DENND11: variants seen among roughly 807,000 people sequenced by gnomAD.
DENND11 encodes DENN domain-containing protein 11.
A neutral mutation model predicts 49.2 loss-of-function variants in DENND11; 34 were observed. The observed-to-expected ratio is 0.69, with a 90% confidence interval of 0.53 to 0.92. The LOEUF (loss-of-function observed/expected upper bound fraction) is 0.92. Among genes scored for constraint, DENND11 ranks in the 40% least tolerant of loss-of-function variants. DENND11 has a pLI of 0.00. For synonymous variants in DENND11, 238 were observed against 230.3 expected (o/e 1.03, Z -0.30); for missense variants, 475 against 581.6 (o/e 0.82, Z 1.88).
rs376757113 is a variant in DENND11 at position 141,677,993 on chromosome 7, C to T, written c.528-3773G>A. The stretch of plus-strand genomic sequence containing the variant: ...TTTTTTTCTTTTGGAAATGGAGTCT[C>T]GCTCTGTTGCCCAGGCTGGAGTGCA... On this transcript the variant is annotated intron_variant, in intron 3 of 8. Transcript: ENST00000536163. 3.7e-4 allele frequency among the ~76,000 whole-genome samples: 56 copies of T among 151,366 alleles called. No homozygotes were observed. In the East Asian group the frequency reaches 6.0e-3, roughly 16 times the overall value.
intron 3 of DENND11, among the ~76,000 whole-genome samples, chr7:141,683,758 A>T (rs770711082): frequency 3.9e-5 from 6 of 152,218 alleles, no homozygotes; most frequent in Non-Finnish European, 8.8e-5. Context: ...CAAAACGACT[A>T]ATTTCAGATA....
chr7:141,669,137 CCT>C (rs1423651363), intron 4 of DENND11, among the ~76,000 whole-genome samples: 1 of 152,156 alleles, frequency 6.6e-6, no homozygotes. Flanking sequence ...CACATCTGGA[CCT>C]CTCAGAGAGG....
At chr7:141,693,893 G>C (rs1798367185) in intron 1 of DENND11, among the ~76,000 whole-genome samples, 1 of 152,140 alleles carries the variant, frequency 6.6e-6, no homozygotes, top group Non-Finnish European at 1.5e-5. Context: ...ATACTGTTAT[G>C]GTGGATACAT....
intron 2 of DENND11, 71 bp from the exon 3 acceptor site, chr7:141,685,707 C>G: frequency 6.5e-7 from 1 of 1,528,114 alleles, no homozygotes; most frequent in South Asian, 1.2e-5. Flanking sequence ...CTAAACAAAA[C>G]AAATGAACTG....
rs79042208 is a variant in DENND11 at position 141,672,949 on chromosome 7, C to G, written c.681+1118G>C. Among the ~76,000 whole-genome samples the G allele has an allele frequency of 1.6e-3, 242 of 152,318 alleles. 4 individuals carry two copies. In the East Asian group the frequency reaches 0.034, roughly 22 times the overall value. Reference sequence around the variant, plus strand: ...ATTAGGATTCAAGCTCCAGGGTCTACTATTTAAAGCTCTCTACAATCTAAT... The same window carrying G: ...ATTAGGATTCAAGCTCCAGGGTCTAGTATTTAAAGCTCTCTACAATCTAAT... On this transcript the variant is annotated intron_variant, in intron 4 of 8. Coordinates refer to ENST00000536163, the MANE Select transcript of DENND11 (RefSeq NM_001080392.2).
chr7:141,681,009 C>G (rs1798140019), intron 3 of DENND11, among the ~76,000 whole-genome samples: 1 of 152,092 alleles, frequency 6.6e-6, no homozygotes, highest in Non-Finnish European at 1.5e-5. Flanking sequence ...GTATCAAAAA[C>G]CATATAGAGA....
At chr7:141,663,630 C>T (rs1276116593) in intron 8 of DENND11, 1 of 152,610 alleles carries the variant, frequency 6.6e-6, no homozygotes, top group Non-Finnish European at 1.5e-5. Flanking sequence ...AAACCACAAC[C>T]TCACCCCTGG....
chr7:141,688,174 A>G (rs1009934741), intron 1 of DENND11, among the ~76,000 whole-genome samples: 6 of 152,252 alleles, frequency 3.9e-5, no homozygotes, highest in Non-Finnish European at 7.3e-5. Context: ...AGAGAACACT[A>G]TAGAATACTC....
chr7:141,701,990 G>A lies in DENND11; in HGVS notation c.164C>T (p.Pro55Leu). ...EPPRRREPEE[P>L]AAPEVLLQPG... ...CTGCAGCAGCACCTCCGGGGCGGCC[G>A]GCTCCTCGGGCTCCCGCCTCCGGGG... is the stretch of plus-strand genomic sequence containing the variant. Residue 55 changes from proline (P) to leucine (L), a missense_variant, in exon 1 of 9, where the codon CCG becomes CTG. Physicochemically the swap from Pro to Leu is moderately conservative, Grantham distance 98. Transcript: ENST00000536163. 3.5e-6 allele frequency: 4 copies of A among 1,144,782 alleles called. No individual in the cohort carries two copies. The highest frequency in any genetic ancestry group is 4.3e-6 in the Non-Finnish European group (4 of 932,584). 70.9% of individuals were successfully genotyped at this position (1,144,782 alleles called of 1,614,324 possible). A position where few individuals can be genotyped will look rare whatever the true frequency, so the allele number is the denominator to read the frequency against.
intron 3 of DENND11, among the ~76,000 whole-genome samples, chr7:141,682,565 C>T (rs1798164041): frequency 6.6e-6 from 1 of 152,144 alleles, no homozygotes. Context: ...TAGTAGTGAG[C>T]AGCTTTTAAC....
chr7:141,677,251 C>A (rs1207461772), intron 3 of DENND11, among the ~76,000 whole-genome samples: 1 of 151,634 alleles, frequency 6.6e-6, no homozygotes, highest in Non-Finnish European at 1.5e-5. Context: ...CATGGTGAAA[C>A]CTGTCTCTAA....
chr7:141,694,642 A>C (rs1414196871), intron 1 of DENND11, among the ~76,000 whole-genome samples: 1 of 152,214 alleles, frequency 6.6e-6, no homozygotes, highest in African/African-American at 2.4e-5. Context: ...AAAAAAGAAA[A>C]GTCTATTTAT....
rs1196395808 is a variant in DENND11, at chr7:141,702,112, G to A, written c.42C>T (p.Ala14=). ...QGDAAPLLRW[A]EGPAVSLPQA... ...GCGGCAGGGAGACGGCGGGGCCCTC[G>A]GCCCAGCGCAGCAGCGGCGCCGCGT... The change falls in exon 1 of 9, where the codon GCC becomes GCT. Residue 14 remains alanine (A), a synonymous_variant. Coordinates refer to ENST00000536163, the MANE Select transcript of DENND11 (RefSeq NM_001080392.2). The A allele has an allele frequency of 5.1e-6, 5 of 983,852 alleles. No homozygotes were observed. Among genetic ancestry groups the A allele is most frequent in the Middle Eastern group, 5.1e-4 (1 of 1,946 alleles). 60.9% of individuals were successfully genotyped at this position (983,852 alleles called of 1,614,324 possible). A position where few individuals can be genotyped will look rare whatever the true frequency, so the allele number is the denominator to read the frequency against.
chr7:141,684,551 C>T (rs1430814419), intron 3 of DENND11, among the ~76,000 whole-genome samples: 2 of 151,892 alleles, frequency 1.3e-5, no homozygotes, highest in African/African-American at 4.8e-5. Context: ...TTTAAAAATC[C>T]TCTGTACTTT....
intron 1 of DENND11, among the ~76,000 whole-genome samples, chr7:141,688,186 CTGT>C (rs1399513972): frequency 6.6e-6 from 1 of 152,220 alleles, no homozygotes; most frequent in Non-Finnish European, 1.5e-5. Flanking sequence ...AGAATACTCC[CTGT>C]TGTTTTCATG....
At chr7:141,667,198 GGC>G (rs1797909108) in intron 4 of DENND11, among the ~76,000 whole-genome samples, 2 of 152,168 alleles carry the variant, frequency 1.3e-5, no homozygotes, top group Non-Finnish European at 2.9e-5. Context: ...TGGGATTACA[GGC>G]GTGAGCCACC....
chr7:141,687,932 C>G (rs1009538766), intron 1 of DENND11, among the ~76,000 whole-genome samples: 3 of 152,148 alleles, frequency 2.0e-5, no homozygotes, highest in Non-Finnish European at 4.4e-5. Context: ...CCGCACCCGG[C>G]CATGCCCAGC....
At chr7:141,683,022 C>T (rs1798172458) in intron 3 of DENND11, among the ~76,000 whole-genome samples, 1 of 149,248 alleles carries the variant, frequency 6.7e-6, no homozygotes, top group Non-Finnish European at 1.5e-5. Context: ...TTTTCCACAG[C>T]TCCAAAAGGT....
chr7:141,696,940 T>A (rs1339079586), intron 1 of DENND11, among the ~76,000 whole-genome samples: 1 of 152,196 alleles, frequency 6.6e-6, no homozygotes, highest in Non-Finnish European at 1.5e-5. Flanking sequence ...GGATAAAGAA[T>A]CCTGAGTCAG....
Sources: gnomAD v4.1 joint callset for allele counts (sites outside exome capture counted in the v4.1 genomes callset) on GRCh38, gnomAD v4.1.1 for gene constraint, MANE v1.5 for transcripts, NCBI Gene and HGNC (gene_info 2026-07-23, HGNC 2026-07-21) for gene names.